The following PCDH15 variants were observed in gnomAD, a reference collection of about 807,000 sequenced individuals.
PCDH15 encodes protocadherin related 15.
PCDH15 carries 129 observed loss-of-function variants against 178.5 expected under a neutral mutation model. The ratio of observed to expected loss-of-function variants is 0.72; its 90% CI spans 0.63 to 0.84. The LOEUF (loss-of-function observed/expected upper bound fraction) is 0.84. Ranked by LOEUF, PCDH15 falls within the 40% of genes least tolerant of loss-of-function variation. PCDH15 has a pLI of 0.00. For missense variants in PCDH15, 2,230 were observed against 2,099.9 expected (o/e 1.06, Z -1.21); for synonymous variants, 800 against 732.0 (o/e 1.09, Z -1.50).
intron 18 of PCDH15, among the ~76,000 whole-genome samples, chr10:54,054,087 G>A (rs2610863): frequency 0.21 from 31,727 of 151,908 alleles, 3,492 homozygotes; most frequent in Non-Finnish European, 0.23. Flanking sequence ...GCCCTTTCTG[G>A]GGAAGACGAA....
intron 2 of PCDH15, chr10:54,528,320 A>C: frequency 7.1e-7 from 1 of 1,403,946 alleles, no homozygotes; most frequent in Non-Finnish European, 9.9e-7. Context: ...TGTTCTAAAG[A>C]GAATAAAACA....
At chr10:53,949,250 G>A (rs1254669746) in intron 23 of PCDH15, among the ~76,000 whole-genome samples, 2 of 152,184 alleles carry the variant, frequency 1.3e-5, no homozygotes, top group Non-Finnish European at 2.9e-5. Flanking sequence ...TATTATGTTT[G>A]AGGCAAGGTT....
intron 2 of PCDH15, among the ~76,000 whole-genome samples, chr10:54,620,770 T>C (rs1031639422): frequency 1.3e-5 from 2 of 152,052 alleles, no homozygotes; most frequent in Admixed American, 6.6e-5. Context: ...TGCAATAGAA[T>C]TGCAATGTGT....
At chr10:54,411,036 T>C (rs1953418364) in intron 3 of PCDH15, among the ~76,000 whole-genome samples, 1 of 152,160 alleles carries the variant, frequency 6.6e-6, no homozygotes, top group Non-Finnish European at 1.5e-5. Flanking sequence ...TGTCTCTGTA[T>C]GTGTGTTTGT....
chr10:55,316,660 TAC>T (rs1169603234), intron 1 of PCDH15, among the ~76,000 whole-genome samples: 2 of 152,154 alleles, frequency 1.3e-5, no homozygotes, highest in African/African-American at 4.8e-5. Flanking sequence ...TGGAGTCAGA[TAC>T]AGAGGCTGTT....
intron 8 of PCDH15, among the ~76,000 whole-genome samples, chr10:54,313,416 G>A (rs2061028866): frequency 6.6e-6 from 1 of 151,944 alleles, no homozygotes; most frequent in South Asian, 2.1e-4. Flanking sequence ...AGTACAACAA[G>A]GGAGATAGTG....
At chr10:54,009,757 C>T (rs1288121660) in intron 20 of PCDH15, among the ~76,000 whole-genome samples, 1 of 152,142 alleles carries the variant, frequency 6.6e-6, no homozygotes. Flanking sequence ...TCCCTGGGGA[C>T]CCACCTTCTG....
chr10:54,890,108 G>C (rs1954433166), intron 3 of PCDH15, among the ~76,000 whole-genome samples: 1 of 151,932 alleles, frequency 6.6e-6, no homozygotes, highest in Non-Finnish European at 1.5e-5. Context: ...CTGTGTCTTT[G>C]GCTTTTGAAG....
chr10:55,265,327 T>G (rs187344898), intron 1 of PCDH15, among the ~76,000 whole-genome samples: 34 of 151,074 alleles, frequency 2.3e-4, no homozygotes, highest in Admixed American at 1.6e-3. Flanking sequence ...TATATATATA[T>G]AGACATAGAG....
At chr10:54,991,589 C>T (rs1328537096) in intron 2 of PCDH15, among the ~76,000 whole-genome samples, 1 of 152,038 alleles carries the variant, frequency 6.6e-6, no homozygotes, top group Admixed American at 6.5e-5. Flanking sequence ...GTTTTTATCC[C>T]ATGATTTTTC....
intron 5 of PCDH15, among the ~76,000 whole-genome samples, chr10:54,348,913 C>T (rs1226794077): frequency 1.3e-5 from 2 of 152,092 alleles, no homozygotes; most frequent in Non-Finnish European, 2.9e-5. Context: ...CAAGTGGGAT[C>T]ATGTAGTATC....
intron 1 of PCDH15, among the ~76,000 whole-genome samples, chr10:54,711,533 G>A (rs1189295907): frequency 6.6e-6 from 1 of 151,830 alleles, no homozygotes; most frequent in Non-Finnish European, 1.5e-5. Flanking sequence ...GTATCACATG[G>A]ATGAAAACTA....
chr10:54,213,270 C>A (rs146360916), intron 10 of PCDH15, among the ~76,000 whole-genome samples: 42 of 152,178 alleles, frequency 2.8e-4, no homozygotes, highest in African/African-American at 9.9e-4. Flanking sequence ...CTCACCATCT[C>A]AATGAAGTCC....
At chr10:55,622,203 G>T (rs1177882952) in intron 2 of PCDH15, among the ~76,000 whole-genome samples, 2 of 104,732 alleles carry the variant, frequency 1.9e-5, no homozygotes, top group Non-Finnish European at 4.0e-5. Flanking sequence ...TGTAGACAGG[G>T]TCTCACTATG....
intron 2 of PCDH15, among the ~76,000 whole-genome samples, chr10:55,347,105 C>A (rs1441309218): frequency 6.6e-6 from 1 of 151,918 alleles, no homozygotes; most frequent in Non-Finnish European, 1.5e-5. Context: ...GTCCCAGCTA[C>A]TTGGGAGGCT....
At chr10:53,958,149 A>G (rs1029912650) in intron 23 of PCDH15, among the ~76,000 whole-genome samples, 3 of 152,130 alleles carry the variant, frequency 2.0e-5, no homozygotes, top group African/African-American at 7.2e-5. Context: ...GAAAGTAAAA[A>G]ACACTAAAGT....
intron 1 of PCDH15, among the ~76,000 whole-genome samples, chr10:54,768,479 A>G (rs1591532695): frequency 6.6e-6 from 1 of 152,036 alleles, no homozygotes; most frequent in South Asian, 2.1e-4. Flanking sequence ...AACATAGTTC[A>G]AGGCTGGGAT....
At chr10:55,495,524 T>C (rs1045854441) in intron 2 of PCDH15, among the ~76,000 whole-genome samples, 3 of 151,812 alleles carry the variant, frequency 2.0e-5, no homozygotes, top group African/African-American at 7.2e-5. Flanking sequence ...AATAGGGAAA[T>C]GAAACTCAAG....
chr10:54,471,778 C>T (rs2077937141), intron 3 of PCDH15, among the ~76,000 whole-genome samples: 1 of 151,590 alleles, frequency 6.6e-6, no homozygotes, highest in South Asian at 2.1e-4. Flanking sequence ...AACAATATTT[C>T]CCTAGGTCAG....
Sources: gnomAD v4.1 joint callset for allele counts (sites outside exome capture counted in the v4.1 genomes callset) on GRCh38, gnomAD v4.1.1 for gene constraint, MANE v1.5 for transcripts, NCBI Gene and HGNC (gene_info 2026-07-23, HGNC 2026-07-21) for gene names.